ADGB: variants seen among roughly 807,000 people sequenced by gnomAD.
ADGB encodes androglobin.
ADGB carries 172 observed loss-of-function variants against 210.5 expected under a neutral mutation model. That is an observed-to-expected ratio of 0.82 (90% CI 0.72 to 0.93). ADGB has a LOEUF of 0.93. Among genes scored for constraint, ADGB ranks in the 40% least tolerant of loss-of-function variants. ADGB has a pLI of 0.00. For synonymous variants in ADGB, 658 were observed against 662.7 expected (o/e 0.99, Z 0.11); for missense variants, 2,025 against 1,964.8 (o/e 1.03, Z -0.58).
At chr6:146,760,472 T>G (rs1248952230) in intron 27 of ADGB, among the ~76,000 whole-genome samples, 2 of 151,926 alleles carry the variant, frequency 1.3e-5, no homozygotes, top group African/African-American at 4.8e-5. Flanking sequence ...TTAATTCCAT[T>G]GTATGGAGAT....
At chr6:146,656,233 G>A (rs1165007074) in intron 4 of ADGB, among the ~76,000 whole-genome samples, 2 of 152,120 alleles carry the variant, frequency 1.3e-5, no homozygotes, top group Non-Finnish European at 2.9e-5. Context: ...GCAAGGGGAC[G>A]TTTTACTTAG....
At chr6:146,654,277 C>G in intron 4 of ADGB, 71 bp downstream of exon 4, 2 of 1,013,004 alleles carry the variant, frequency 2.0e-6, no homozygotes, top group East Asian at 2.8e-5. Flanking sequence ...CATTCCCAGA[C>G]AGTCGATTTC....
chr6:146,641,243 C>T (rs1033370258), intron 2 of ADGB, among the ~76,000 whole-genome samples: 2 of 151,386 alleles, frequency 1.3e-5, no homozygotes, highest in Non-Finnish European at 3.0e-5. Flanking sequence ...AACTACAAAA[C>T]TGCTCAAACA....
At chr6:146,650,934 C>T (rs140586526) in intron 3 of ADGB, among the ~76,000 whole-genome samples, 3 of 152,322 alleles carry the variant, frequency 2.0e-5, no homozygotes, top group African/African-American at 7.2e-5. Context: ...GTCACAGAAG[C>T]CAACACAGCA....
At chr6:146,639,948 A>G (rs1203501747) in intron 2 of ADGB, among the ~76,000 whole-genome samples, 1 of 152,050 alleles carries the variant, frequency 6.6e-6, no homozygotes, top group Non-Finnish European at 1.5e-5. Context: ...CACATGAAAA[A>G]CAATTTCAAA....
At chr6:146,735,587 T>TA (rs767486544) in intron 22 of ADGB, among the ~76,000 whole-genome samples, 1 of 152,224 alleles carries the variant, frequency 6.6e-6, no homozygotes, top group African/African-American at 2.4e-5. Flanking sequence ...ATTAAGTTTC[T>TA]AACACATAAA....
At chr6:146,706,239 G>C (rs1185021172) in intron 13 of ADGB, among the ~76,000 whole-genome samples, 3 of 146,030 alleles carry the variant, frequency 2.1e-5, no homozygotes, top group Non-Finnish European at 4.6e-5. Context: ...ACAGTTTTTT[G>C]TTTTTTTTTT....
chr6:146,712,020 G>A (rs1437602495), intron 13 of ADGB, among the ~76,000 whole-genome samples: 1 of 148,396 alleles, frequency 6.7e-6, no homozygotes, highest in Non-Finnish European at 1.5e-5. Context: ...TCACACTACT[G>A]AACTCCAGCT....
intron 27 of ADGB, among the ~76,000 whole-genome samples, chr6:146,753,248 G>A (rs1393890774): frequency 6.6e-6 from 1 of 151,824 alleles, no homozygotes; most frequent in Non-Finnish European, 1.5e-5. Flanking sequence ...TACAAACAAG[G>A]GAACAAGAAA....
chr6:146,640,572 T>C (rs1404902670), intron 2 of ADGB, among the ~76,000 whole-genome samples: 2 of 152,054 alleles, frequency 1.3e-5, no homozygotes, highest in East Asian at 1.9e-4. Flanking sequence ...CATGATCAAG[T>C]TGGCTTCATC....
intron 15 of ADGB, 122 bp downstream of exon 15, chr6:146,717,191 T>C (rs181121607): frequency 4.5e-5 from 36 of 804,062 alleles, no homozygotes; most frequent in African/African-American, 3.5e-4. Flanking sequence ...ATATAACCTA[T>C]TAATTCTTAG....
chr6:146,675,318 A>C (rs902001723), intron 8 of ADGB, among the ~76,000 whole-genome samples: 2 of 151,930 alleles, frequency 1.3e-5, no homozygotes, highest in African/African-American at 4.8e-5. Context: ...AGAAAAGAAA[A>C]AGAAAAATTA....
At chr6:146,693,559 C>T (rs1776361559) in intron 12 of ADGB, among the ~76,000 whole-genome samples, 1 of 152,148 alleles carries the variant, frequency 6.6e-6, no homozygotes, top group Non-Finnish European at 1.5e-5. Flanking sequence ...CAAACAAATA[C>T]GGACTTTGGT....
rs371301865 is a variant in ADGB at position 146,763,839 on chromosome 6, T to C, written c.3551-62T>C. On this transcript the variant is annotated intron_variant, in intron 27 of 35. Transcript: ENST00000397944. ...GTTTTATAAAGGAATGTAACTGATT[T>C]AGTCAGTAATAACTATGTATATCAC... The C allele has an allele frequency of 1.2e-3, 1,575 of 1,343,258 alleles. 26 individuals carry two copies. The South Asian group carries it at 0.017, about 15-fold the overall frequency. 83.2% of individuals were successfully genotyped at this position (1,343,258 alleles called of 1,614,324 possible).
intron 11 of ADGB, 44 bp downstream of exon 11, chr6:146,691,334 A>G (rs1229221686): frequency 6.9e-7 from 1 of 1,447,722 alleles, no homozygotes; most frequent in Admixed American, 2.5e-5. Flanking sequence ...TAATGTATGA[A>G]AGTCTAACAG....
At chr6:146,658,366 C>A (rs917644509) in intron 5 of ADGB, among the ~76,000 whole-genome samples, 2 of 151,962 alleles carry the variant, frequency 1.3e-5, no homozygotes, top group African/African-American at 4.8e-5. Context: ...GAGGAGCAAG[C>A]AGAAGGGTGA....
intron 7 of ADGB, 142 bp downstream of exon 7, chr6:146,667,044 A>G: frequency 1.7e-6 from 1 of 573,070 alleles, no homozygotes; most frequent in Non-Finnish European, 3.0e-6. Flanking sequence ...GTAGTATTAT[A>G]TAAAGTTCCT....
At chr6:146,789,897 T>C (rs1489410500) in intron 33 of ADGB, among the ~76,000 whole-genome samples, 1 of 152,180 alleles carries the variant, frequency 6.6e-6, no homozygotes, top group African/African-American at 2.4e-5. Context: ...TTGGTCTCCA[T>C]ATATTGTGAT....
At chr6:146,665,224 T>C (rs1775923057) in intron 6 of ADGB, among the ~76,000 whole-genome samples, 1 of 152,010 alleles carries the variant, frequency 6.6e-6, no homozygotes, top group East Asian at 1.9e-4. Flanking sequence ...GCAATGTTAG[T>C]CAGAAGTCAG....
Sources: gnomAD v4.1 joint callset for allele counts (sites outside exome capture counted in the v4.1 genomes callset) on GRCh38, gnomAD v4.1.1 for gene constraint, MANE v1.5 for transcripts, NCBI Gene and HGNC (gene_info 2026-07-23, HGNC 2026-07-21) for gene names.